KIAA0232: variants seen among roughly 807,000 people sequenced by gnomAD.
KIAA0232 encodes the protein KIAA0232, also known as uncharacterized protein KIAA0232.
A neutral mutation model predicts 122.0 loss-of-function variants in KIAA0232; 27 were observed. The ratio of observed to expected loss-of-function variants is 0.22; its 90% confidence interval spans 0.16 to 0.31. The LOEUF is 0.31. Ranked by LOEUF, KIAA0232 falls within the 10% of genes least tolerant of loss-of-function variation. The pLI, the probability that KIAA0232 is intolerant of heterozygous loss-of-function variation, is 1.00. For synonymous variants in KIAA0232, 613 were observed against 587.6 expected, an observed-to-expected ratio of 1.04 and a Z score of -0.63; for missense variants, 1,551 against 1,634.2, an observed-to-expected ratio of 0.95 and a Z score of 0.88.
chr4:6,882,202 G>A lies in KIAA0232; in HGVS notation c.*1236G>A, dbSNP rs979710144. 1.3e-5 allele frequency: 2 copies of A among 152,222 alleles called. No individual in the cohort carries two copies. The highest frequency in any genetic ancestry group is 6.5e-5 in the Admixed American group (1 of 15,284). 9.4% of individuals were successfully genotyped at this position (152,222 alleles called of 1,614,324 possible). ...CAGGAGGAGCAGTATGTGCACAGCC[G>A]AAACATTTTACATTTTTTACATTGT... On this transcript the variant is annotated 3_prime_UTR_variant, in exon 10 of 10. Coordinates refer to ENST00000307659, the MANE Select transcript of KIAA0232 (RefSeq NM_014743.3).
chr4:6,833,904 T>C (rs1045479032), intron 3 of KIAA0232, among the ~76,000 whole-genome samples: 1 of 152,186 alleles, frequency 6.6e-6, no homozygotes, highest in Non-Finnish European at 1.5e-5. Flanking sequence ...CTTTCAGACC[T>C]GCAGTCTCCT....
intron 6 of KIAA0232, 50 bp from the exon 7 acceptor site, chr4:6,860,851 T>C (rs1379248306): frequency 4.7e-6 from 7 of 1,496,042 alleles, no homozygotes; most frequent in Non-Finnish European, 6.4e-6. Flanking sequence ...TTTTACTGTA[T>C]CTAAAAAATC....
chr4:6,818,606 G>T (rs982699558), intron 2 of KIAA0232, among the ~76,000 whole-genome samples: 3 of 151,792 alleles, frequency 2.0e-5, no homozygotes, highest in Non-Finnish European at 4.4e-5. Context: ...CATGTTCATG[G>T]ACTGGAAGAA....
intron 4 of KIAA0232, among the ~76,000 whole-genome samples, chr4:6,849,227 A>G (rs2108761111): frequency 6.6e-6 from 1 of 152,318 alleles, no homozygotes; most frequent in Non-Finnish European, 1.5e-5. Flanking sequence ...GGGATTCTGC[A>G]TCTGTTTTCG....
At chr4:6,784,337 G>T (rs1577348321) in intron 1 of KIAA0232, among the ~76,000 whole-genome samples, 1 of 151,904 alleles carries the variant, frequency 6.6e-6, no homozygotes, top group Non-Finnish European at 1.5e-5. Context: ...AAAACTGTGC[G>T]GTAAAATGCC....
intron 2 of KIAA0232, among the ~76,000 whole-genome samples, chr4:6,820,904 G>A (rs924311078): frequency 4.6e-5 from 7 of 152,202 alleles, no homozygotes; most frequent in African/African-American, 1.4e-4. Flanking sequence ...TGTAGTGAGG[G>A]TCATGCCATG....
At chr4:6,845,947 G>T (rs1245127679) in intron 4 of KIAA0232, among the ~76,000 whole-genome samples, 1 of 152,184 alleles carries the variant, frequency 6.6e-6, no homozygotes, top group African/African-American at 2.4e-5. Context: ...AACAGTGCAA[G>T]GGAATGGTTG....
rs914457899 is a variant in KIAA0232, at chr4:6,809,669, T to C, written c.-270+5063T>C. Among the ~76,000 whole-genome samples, 4 of 152,270 alleles carry C rather than the reference T, an allele frequency of 2.6e-5. No individual in the cohort carries two copies. The East Asian group carries it at 7.7e-4, about 29-fold the overall frequency. On this transcript the variant is annotated intron_variant, in intron 2 of 9. Transcript: ENST00000307659. Reference sequence around the variant, plus strand: ...CCTGTTTGCCAATAATATGCTCTTATATCTAGAAAAACTAAAGACTCCACC... The same window carrying C: ...CCTGTTTGCCAATAATATGCTCTTACATCTAGAAAAACTAAAGACTCCACC...
At position 6,790,645 on chromosome 4, in the gene KIAA0232, A is replaced by G. The variant is rs550439669; in HGVS notation, c.-354+7804A>G. Among the ~76,000 whole-genome samples the G allele has an allele frequency of 6.6e-5, 10 of 152,032 alleles. No individual in the cohort carries two copies. The South Asian group carries it at 1.7e-3, about 25-fold the overall frequency. ...AGCGATCCTCCCGCCTTGGCCTCTCAAAGTGCTGGGACTGTGGGTATGAGC... is the reference window on the plus strand; with the variant it reads ...AGCGATCCTCCCGCCTTGGCCTCTCGAAGTGCTGGGACTGTGGGTATGAGC... On this transcript the variant is annotated intron_variant, in intron 1 of 9. Coordinates refer to ENST00000307659, the MANE Select transcript of KIAA0232 (RefSeq NM_014743.3).
intron 3 of KIAA0232, among the ~76,000 whole-genome samples, chr4:6,828,570 G>A (rs1041333986): frequency 1.3e-5 from 2 of 152,094 alleles, no homozygotes; most frequent in African/African-American, 4.8e-5. Flanking sequence ...AATATAAGAT[G>A]TTATCAAATC....
rs776897175 is a variant in KIAA0232 at position 6,857,262 on chromosome 4, C to T, written c.436+32C>T. 1.9e-6 allele frequency: 3 copies of T among 1,566,708 alleles called. No homozygotes were observed. The Admixed American group carries it at 5.3e-5, about 28-fold the overall frequency. ...TCAAAAGCACTGTGCGCACACATGC[C>T]AGGATTACATCCCTGAGGAATCTGG... is the stretch of plus-strand genomic sequence containing the variant. On this transcript the variant is annotated intron_variant, in intron 5 of 9. Coordinates refer to ENST00000307659, the MANE Select transcript of KIAA0232 (RefSeq NM_014743.3).
chr4:6,862,805 C>T lies in KIAA0232; in HGVS notation c.2423C>T (p.Thr808Ile). The part of the protein sequence containing the change: ...QKTENKNFET[T>I]QVCNESPHGD... The stretch of plus-strand genomic sequence containing the variant: ...ACAGAAAACAAAAATTTTGAAACTA[C>T]ACAAGTATGTAATGAAAGTCCACAT... Residue 808 changes from threonine to isoleucine, a missense_variant, in exon 7 of 10, where the codon ACA (threonine) becomes ATA (isoleucine). Around this residue, in one of 5 missense-constraint regions of KIAA0232, gnomAD observed 1,108 missense variants for 1,154.8 expected, o/e 0.96. Coordinates refer to ENST00000307659, the MANE Select transcript of KIAA0232 (RefSeq NM_014743.3). 1 of 1,614,118 alleles carries T rather than the reference C, an allele frequency of 6.2e-7. No homozygotes were observed. The highest frequency in any genetic ancestry group is 8.5e-7 in the Non-Finnish European group (1 of 1,180,020).
intron 1 of KIAA0232, among the ~76,000 whole-genome samples, chr4:6,791,419 C>A (rs1716889358): frequency 6.7e-6 from 1 of 149,308 alleles, no homozygotes; most frequent in Admixed American, 6.7e-5. Context: ...TTGGCCACCT[C>A]CCAGGCTCAA....
chr4:6,878,164 C>G (rs550501426), intron 9 of KIAA0232, among the ~76,000 whole-genome samples: 1 of 152,294 alleles, frequency 6.6e-6, no homozygotes, highest in South Asian at 2.1e-4. Context: ...CACCTGAGGT[C>G]AGGAGTTCAA....
At position 6,824,166 on chromosome 4, in the gene KIAA0232, T is replaced by C; in HGVS notation, c.-269-19T>C. 2.0e-6 allele frequency: 1 copy of C among 499,736 alleles called. No homozygotes were observed. The highest frequency in any genetic ancestry group is 2.9e-5 in the East Asian group (1 of 34,812). The allele number at this position is 499,736 out of a possible 1,614,324, so 31.0% of individuals were successfully genotyped here. On this transcript the variant is annotated intron_variant, in intron 2 of 9. Transcript: ENST00000307659. Reference sequence around the variant, plus strand: ...ATTTATATATAATGCATACTTTTTTTCCTCTCTCATTTTTGTAGGTTCTGC... The same window carrying C: ...ATTTATATATAATGCATACTTTTTTCCCTCTCTCATTTTTGTAGGTTCTGC...
rs144709310 is a variant in KIAA0232, at chr4:6,827,436, T to C, written c.231+2752T>C. ...CAAGGCTGACAGACCTGGGTGAAGA[T>C]GTGTGCCACCTTTCCTGATCTCTGG... On this transcript the variant is annotated intron_variant, in intron 3 of 9. Transcript: ENST00000307659. Among the ~76,000 whole-genome samples the C allele has an allele frequency of 2.2e-3, 340 of 152,344 alleles. 1 individual carries two copies. The highest frequency in any genetic ancestry group is 4.0e-3 in the Non-Finnish European group (269 of 68,014).
At position 6,871,541 on chromosome 4, in the gene KIAA0232, A is replaced by G; in HGVS notation, c.3802-33A>G. The G allele has an allele frequency of 4.0e-6, 5 of 1,257,212 alleles. 1 individual carries two copies. Among genetic ancestry groups the G allele is most frequent in the Middle Eastern group, 3.8e-4 (2 of 5,246 alleles). The allele number at this position is 1,257,212 out of a possible 1,614,324, so 77.9% of individuals were successfully genotyped here. On this transcript the variant is annotated intron_variant, in intron 7 of 9. Transcript: ENST00000307659. ...TTCTTCCTCTAACCTGAAAGTTTAT[A>G]AACTTTTTCTGTATTTGGTTTAATC... is the stretch of plus-strand genomic sequence containing the variant.
At chr4:6,785,094 C>T (rs1389503609) in intron 1 of KIAA0232, among the ~76,000 whole-genome samples, 1 of 152,098 alleles carries the variant, frequency 6.6e-6, no homozygotes, top group East Asian at 1.9e-4. Flanking sequence ...CATGCCACCA[C>T]CCCCGGCTAA....
intron 8 of KIAA0232, among the ~76,000 whole-genome samples, chr4:6,874,876 A>C (rs1199208677): frequency 6.6e-6 from 1 of 152,116 alleles, no homozygotes; most frequent in East Asian, 1.9e-4. Flanking sequence ...ACCTTTTCCA[A>C]ATACCCTGTG....
Sources: allele counts gnomAD v4.1 joint callset (sites outside exome capture counted in the v4.1 genomes callset), GRCh38; gene constraint gnomAD v4.1.1; regional missense constraint gnomAD v4.1.1; transcripts MANE v1.5; gene names NCBI Gene and HGNC (gene_info 2026-07-23, HGNC 2026-07-21).